SLC24A4: variants seen among roughly 807,000 people sequenced by gnomAD.
SLC24A4 encodes solute carrier family 24 member 4, also known as sodium/potassium/calcium exchanger 4.
SLC24A4 carries 53 observed loss-of-function variants against 79.0 expected under a neutral mutation model. That is an observed-to-expected ratio of 0.67 (90% CI 0.54 to 0.84). The LOEUF (loss-of-function observed/expected upper bound fraction) is 0.84, where lower values mean the gene tolerates loss of function less well. Ranked by LOEUF, SLC24A4 falls within the 40% of genes least tolerant of loss-of-function variation. SLC24A4 has a pLI of 0.00. For synonymous variants in SLC24A4, 323 were observed against 323.8 expected (o/e 1.00, Z 0.03); for missense variants, 731 against 822.0 (o/e 0.89, Z 1.35).
At chr14:92,388,286 C>T (rs74458345) in intron 2 of SLC24A4, among the ~76,000 whole-genome samples, 2,786 of 152,186 alleles carry the variant, frequency 0.018, 40 homozygotes, top group Non-Finnish European at 0.026. Flanking sequence ...TAAGGTGTGA[C>T]GCATAAAGGA....
At chr14:92,413,076 T>A (rs1279848156) in intron 2 of SLC24A4, among the ~76,000 whole-genome samples, 1 of 152,210 alleles carries the variant, frequency 6.6e-6, no homozygotes, top group Non-Finnish European at 1.5e-5. Flanking sequence ...GCAGAGACCA[T>A]ATGGCCCGCA....
chr14:92,455,127 A>G (rs1426847332), intron 11 of SLC24A4, among the ~76,000 whole-genome samples: 1 of 150,910 alleles, frequency 6.6e-6, no homozygotes, highest in Non-Finnish European at 1.5e-5. Flanking sequence ...TTGTGATTGA[A>G]CTACCTGGAA....
intron 2 of SLC24A4, among the ~76,000 whole-genome samples, chr14:92,421,396 G>T (rs1891273285): frequency 6.6e-6 from 1 of 152,136 alleles, no homozygotes; most frequent in South Asian, 2.1e-4. Context: ...CCTACCCCCA[G>T]TGGTTCTGAT....
In SLC24A4 at chr14:92,330,350, T is replaced by TA. The variant is rs879270608; in HGVS notation, c.241+4379dup. On this transcript the variant is annotated intron_variant, in intron 2 of 16. Transcript: ENST00000532405. ...CATGTTTTTAAATGTAGGAAAGCTT[T>TA]AAAAAAATCTGCTTTATTTTTGCTC... is the stretch of plus-strand genomic sequence containing the variant. Among the ~76,000 whole-genome samples, 23 of 152,332 alleles carry TA rather than the reference T, an allele frequency of 1.5e-4. No homozygotes were observed. The East Asian group carries it at 2.3e-3, about 15-fold the overall frequency.
At position 92,323,590 on chromosome 14, in the gene SLC24A4, T is replaced by C. The variant is rs961763837; in HGVS notation, c.-241T>C. 3.9e-5 allele frequency: 14 copies of C among 356,202 alleles called. No individual in the cohort carries two copies. The highest frequency in any genetic ancestry group is 5.5e-5 in the Non-Finnish European group (11 of 201,490). The allele number at this position is 356,202 out of a possible 1,614,324, so 22.1% of individuals were successfully genotyped here. A position where few individuals can be genotyped will look rare whatever the true frequency, so the allele number is the denominator to read the frequency against. On this transcript the variant is annotated 5_prime_UTR_variant, in exon 1 of 17. It removes an upstream start codon present in the reference 5' UTR. Transcript: ENST00000532405. The surrounding 1 kb of genome is among the most constrained non-coding windows in gnomAD (Gnocchi z 4.9). ...GCGTCGCCTCCTCGCCACGGAGCCA[T>C]GGTGCGCGCAGCGCGCACGCGGCGC...
rs58726265 is a variant in SLC24A4, at chr14:92,486,850, A to G, written c.1537+70A>G. On this transcript the variant is annotated intron_variant, in intron 14 of 16. Transcript: ENST00000532405. ...CTGTGTCCTCGTCCCTGCCTGACTT[A>G]CAGTTGACCAAGTTGTGGCTCTTAT... 2,489 of 1,123,046 alleles carry G rather than the reference A, an allele frequency of 2.2e-3. 36 individuals carry two copies. The African/African-American group carries it at 0.033, about 15-fold the overall frequency. The allele number at this position is 1,123,046 out of a possible 1,614,324, so 69.6% of individuals were successfully genotyped here.
chr14:92,420,090 G>A (rs974915739), intron 2 of SLC24A4, among the ~76,000 whole-genome samples: 5 of 152,222 alleles, frequency 3.3e-5, no homozygotes, highest in African/African-American at 4.8e-5. Context: ...CACAGACGCC[G>A]GGAGGAAGAT....
intron 7 of SLC24A4, among the ~76,000 whole-genome samples, chr14:92,444,672 T>G (rs1400731365): frequency 6.6e-6 from 1 of 152,126 alleles, no homozygotes; most frequent in Admixed American, 6.6e-5. Context: ...CTGGCCAACA[T>G]GGTGAAACCT....
intron 2 of SLC24A4, among the ~76,000 whole-genome samples, chr14:92,336,370 CCTT>C (rs1476859711): frequency 2.0e-5 from 3 of 152,180 alleles, no homozygotes; most frequent in Admixed American, 2.0e-4. Context: ...ATTTACTGCT[CCTT>C]CTGAAAAAGC....
At position 92,477,891 on chromosome 14, in the gene SLC24A4, T is replaced by TCATTC. The variant is rs753693716; in HGVS notation, c.1256-4770_1256-4766dup. 1.1e-3 allele frequency among the ~76,000 whole-genome samples: 162 copies of TCATTC among 151,652 alleles called. 1 individual carries two copies. Among genetic ancestry groups the TCATTC allele is most frequent in the African/African-American group, 3.4e-3 (140 of 41,312 alleles). ...TCTGCCTTCTGGGTTCAAGTGATCC[T>TCATTC]CATTCCATTCCATTCCATTCCATCC... On this transcript the variant is annotated intron_variant, in intron 12 of 16. Coordinates refer to ENST00000532405, the MANE Select transcript of SLC24A4 (RefSeq NM_153646.4).
intron 2 of SLC24A4, among the ~76,000 whole-genome samples, chr14:92,412,194 T>C (rs898831595): frequency 3.3e-5 from 5 of 152,138 alleles, no homozygotes; most frequent in Non-Finnish European, 7.4e-5. Flanking sequence ...TTCCTGGGAT[T>C]GACTCACATT....
intron 12 of SLC24A4, among the ~76,000 whole-genome samples, chr14:92,464,423 C>G (rs1352860727): frequency 6.6e-6 from 1 of 152,106 alleles, no homozygotes; most frequent in African/African-American, 2.4e-5. Context: ...TGCCCGGGAC[C>G]ACGTGTCAGG....
chr14:92,334,791 C>G (rs1391174679), intron 2 of SLC24A4, among the ~76,000 whole-genome samples: 3 of 152,108 alleles, frequency 2.0e-5, no homozygotes, highest in Non-Finnish European at 1.5e-5. Flanking sequence ...CTCTTCTTAC[C>G]TGTCTCACAG....
chr14:92,476,993 A>C (rs1396503346), intron 12 of SLC24A4, among the ~76,000 whole-genome samples: 2 of 152,198 alleles, frequency 1.3e-5, no homozygotes. Context: ...TGCTATTATA[A>C]ATAATGCTGC....
At chr14:92,415,276 C>T (rs1890919899) in intron 2 of SLC24A4, among the ~76,000 whole-genome samples, 1 of 152,122 alleles carries the variant, frequency 6.6e-6, no homozygotes, top group Non-Finnish European at 1.5e-5. Context: ...TCCTAGGAAA[C>T]AGGATGGATG....
intron 16 of SLC24A4, chr14:92,492,727 G>C (rs1895754502): frequency 2.5e-6 from 1 of 401,926 alleles, no homozygotes; most frequent in African/African-American, 2.1e-5. Context: ...TCGGGGCTCA[G>C]GGGTTAACTT....
intron 12 of SLC24A4, among the ~76,000 whole-genome samples, chr14:92,471,239 C>CCTCTGCAACTCCAGA (rs1288235050): frequency 6.6e-6 from 1 of 152,176 alleles, no homozygotes; most frequent in Non-Finnish European, 1.5e-5. Context: ...TGCCCACTGG[C>CCTCTGCAACTCCAGA]CTCTGCAACT....
At chr14:92,453,657 GA>G (rs1893280357) in intron 10 of SLC24A4, 1 of 440,494 alleles carries the variant, frequency 2.3e-6, no homozygotes. Flanking sequence ...AATTGCCCAC[GA>G]GTGGTCCTGG....
intron 2 of SLC24A4, among the ~76,000 whole-genome samples, chr14:92,335,919 T>A (rs1317205232): frequency 6.6e-6 from 1 of 152,218 alleles, no homozygotes; most frequent in Non-Finnish European, 1.5e-5. Context: ...GAGAATGCCC[T>A]GTCCACGGGA....
Sources: allele counts gnomAD v4.1 joint callset (sites outside exome capture counted in the v4.1 genomes callset), GRCh38; gene constraint gnomAD v4.1.1; non-coding constraint Gnocchi (gnomAD v3.1); transcripts MANE v1.5; gene names NCBI Gene and HGNC (gene_info 2026-07-23, HGNC 2026-07-21).